UBR4: variants seen among roughly 807,000 people sequenced by gnomAD.
The protein encoded by UBR4 is ubiquitin protein ligase E3 component n-recognin 4.
UBR4 carries 124 observed loss-of-function variants against 575.6 expected under a neutral mutation model. The ratio of observed to expected loss-of-function variants is 0.22; its 90% CI spans 0.19 to 0.25. The LOEUF is 0.25. Ranked by LOEUF, UBR4 falls within the 10% of genes least tolerant of loss-of-function variation. UBR4 has a pLI of 1.00. For synonymous variants in UBR4, 2,455 were observed against 2,473.7 expected (o/e 0.99, Z 0.22); for missense variants, 4,818 against 6,478.8 (o/e 0.74, Z 8.80).
chr1:19,099,791 T>C (rs1352716346), intron 89 of UBR4, 114 bp from the exon 90 acceptor site: 2 of 830,020 alleles, frequency 2.4e-6, no homozygotes, highest in Non-Finnish European at 3.7e-6. Context: ...TTATATGTCA[T>C]GGACCTATCA....
intron 62 of UBR4, 43 bp from the exon 63 acceptor site, chr1:19,127,782 T>C (rs759796341): frequency 8.3e-5 from 124 of 1,491,290 alleles, no homozygotes; most frequent in Admixed American, 2.3e-4. Flanking sequence ...ACTTACTCGA[T>C]GCTTGAGGCA....
At chr1:19,137,032 C>T (rs1466588534) in intron 60 of UBR4, among the ~76,000 whole-genome samples, 3 of 152,068 alleles carry the variant, frequency 2.0e-5, no homozygotes, top group African/African-American at 7.2e-5. Context: ...GGTACAGTGG[C>T]TCACACCTGT....
rs887727586 is a variant in UBR4 at position 19,092,854 on chromosome 1, G to A, written c.14176C>T (p.Leu4726Phe). 1 of 1,613,216 alleles carries A rather than the reference G, an allele frequency of 6.2e-7. No individual in the cohort carries two copies. Among genetic ancestry groups the A allele is most frequent in the South Asian group, 1.1e-5 (1 of 90,668 alleles). Residue 4726 changes from leucine (L) to phenylalanine (F), a missense_variant, in exon 97 of 106, where the codon CTT becomes TTT. This residue lies in a region of UBR4 where 196 missense variants were observed against 386.8 expected (regional missense o/e 0.51). Transcript: ENST00000375254. ...RPALPFILRL[L>F]RGLAIQHPGT... The stretch of plus-strand genomic sequence containing the variant: ...GGGTGCTGGATGGCCAGGCCCCGAA[G>A]CAGCCTTAGGATAAATGGCAAGGCT...
At chr1:19,158,018 G>A in intron 39 of UBR4, 21 bp from the exon 40 acceptor site, 14 of 1,601,348 alleles carry the variant, frequency 8.7e-6, no homozygotes, top group Non-Finnish European at 1.2e-5. Context: ...AGGAAGCAGA[G>A]AAAGTGGGCA....
In UBR4 at chr1:19,139,280, A is replaced by AC. The variant is rs961480013; in HGVS notation, c.8594-61_8594-60insG. ...AACAAACAAACAAACAAACAAACAA[A>AC]AAACAAAAAAAACCCCTCCTTGGGA... On this transcript the variant is annotated intron_variant, in intron 58 of 105. Transcript: ENST00000375254. The surrounding 1 kb of genome is among the most constrained non-coding windows in gnomAD (Gnocchi z 4.2). The AC allele has an allele frequency of 1.3e-5, 20 of 1,529,230 alleles. No homozygotes were observed. In the African/African-American group the frequency reaches 2.5e-4, roughly 19 times the overall value. 94.7% of individuals were successfully genotyped at this position (1,529,230 alleles called of 1,614,324 possible). A position where few individuals can be genotyped will look rare whatever the true frequency, so the allele number is the denominator to read the frequency against.
At position 19,210,256 on chromosome 1, in the gene UBR4, C is replaced by G; in HGVS notation, c.-8G>C. ...GCCGCCGCTCGTCGCCATCTTCCGT[C>G]GTACTACTGCGGCTCCCTCCGGGGG... On this transcript the variant is annotated 5_prime_UTR_variant, in exon 1 of 106. Transcript: ENST00000375254. 6.9e-7 allele frequency: 1 copy of G among 1,444,074 alleles called. No homozygotes were observed. Among genetic ancestry groups the G allele is most frequent in the Non-Finnish European group, 9.1e-7 (1 of 1,104,598 alleles). The allele number at this position is 1,444,074 out of a possible 1,614,324, so 89.5% of individuals were successfully genotyped here.
At chr1:19,102,894 A>G (rs2078789117) in intron 87 of UBR4, among the ~76,000 whole-genome samples, 1 of 152,186 alleles carries the variant, frequency 6.6e-6, no homozygotes, top group Non-Finnish European at 1.5e-5. Context: ...TTTACCATCA[A>G]GTGGCAGGGA....
intron 60 of UBR4, among the ~76,000 whole-genome samples, chr1:19,136,700 A>T (rs2083235201): frequency 6.6e-6 from 1 of 152,220 alleles, no homozygotes; most frequent in Non-Finnish European, 1.5e-5. Context: ...TAGAAGACAA[A>T]AGCAGGCTGG....
Position 19,152,563 on chromosome 1 carries a change from C to T in UBR4, c.6833-87G>A, listed in dbSNP as rs1038614603. ...AAAGACTCCTCCCAGACAGAGCCCACACTCACACTCTAATCTAAGCAAACT... is the reference window on the plus strand; with the variant it reads ...AAAGACTCCTCCCAGACAGAGCCCATACTCACACTCTAATCTAAGCAAACT... On this transcript the variant is annotated intron_variant, in intron 46 of 105. Coordinates refer to ENST00000375254, the MANE Select transcript of UBR4 (RefSeq NM_020765.3). The surrounding 1 kb of genome is among the most constrained non-coding windows in gnomAD (Gnocchi z 4.4). 94 of 1,538,034 alleles carry T rather than the reference C, an allele frequency of 6.1e-5. No homozygotes were observed. The highest frequency in any genetic ancestry group is 3.9e-4 in the Admixed American group (22 of 57,012).
chr1:19,145,882 C>T lies in UBR4; in HGVS notation c.7856G>A (p.Cys2619Tyr), dbSNP rs1302963340. 1 of 1,614,220 alleles carries T rather than the reference C, an allele frequency of 6.2e-7. No homozygotes were observed. Among genetic ancestry groups the T allele is most frequent in the Non-Finnish European group, 8.5e-7 (1 of 1,180,026 alleles). ...GTTCACAAGCTGGGTGATGAAACTACAGCAATCTCCTTCCAACTGCTTCTG... is the reference window on the plus strand; with the variant it reads ...GTTCACAAGCTGGGTGATGAAACTATAGCAATCTCCTTCCAACTGCTTCTG... ...EPQKQLEGDC[C>Y]SFITQLVNHF... Residue 2619 changes from cysteine to tyrosine, a missense_variant, in exon 53 of 106, where the codon TGT becomes TAT. By Grantham distance (194) the Cys-to-Tyr change is radical (BLOSUM62 -2). Around this residue, in one of 29 missense-constraint regions of UBR4, gnomAD observed 340 missense variants for 375.4 expected, o/e 0.91. Coordinates refer to ENST00000375254, the MANE Select transcript of UBR4 (RefSeq NM_020765.3).
rs577275540 is a variant in UBR4, at chr1:19,094,200, C to T, written c.13747-61G>A. On this transcript the variant is annotated intron_variant, in intron 94 of 105. Coordinates refer to ENST00000375254, the MANE Select transcript of UBR4 (RefSeq NM_020765.3). Reference sequence around the variant, plus strand: ...CAGTCAGGACTGTGGCTGCAGCCAACATCTGAGCCCCAAAAGTCACCACTT... The same window carrying T: ...CAGTCAGGACTGTGGCTGCAGCCAATATCTGAGCCCCAAAAGTCACCACTT... The T allele has an allele frequency of 1.3e-5, 18 of 1,383,332 alleles. No homozygotes were observed. In the East Asian group the frequency reaches 1.5e-4, roughly 11 times the overall value. 85.7% of individuals were successfully genotyped at this position (1,383,332 alleles called of 1,614,324 possible).
At chr1:19,199,478 C>T (rs2151648736) in intron 3 of UBR4, among the ~76,000 whole-genome samples, 173 bp downstream of exon 3, 1 of 152,320 alleles carries the variant, frequency 6.6e-6, no homozygotes, top group East Asian at 1.9e-4. Flanking sequence ...TAATCTATGG[C>T]TGCTTTCACA....
In UBR4 at chr1:19,088,797, C is replaced by T. The variant is rs1369272182; in HGVS notation, c.14392G>A (p.Ala4798Thr). The T allele has an allele frequency of 5.0e-6, 8 of 1,614,002 alleles. No individual in the cohort carries two copies. Among genetic ancestry groups the T allele is most frequent in the Non-Finnish European group, 6.8e-6 (8 of 1,180,026 alleles). Residue 4798 changes from alanine to threonine, a missense_variant, in exon 98 of 106, where the codon GCA becomes ACA. Around this residue, in one of 29 missense-constraint regions of UBR4, gnomAD observed 196 missense variants for 386.8 expected, o/e 0.51. Transcript: ENST00000375254. This position sits in a 1 kb window ranked among gnomAD's most constrained non-coding sequence, Gnocchi z 4.0. ...TRAEKKRMAM[A>T]MRQKALGTLG... ...GTGCCCAGGGCCTTCTGCCTCATTG[C>T]CATGGCCATGCGCTTCTTCTCTGCC...
At chr1:19,159,974 G>A in intron 39 of UBR4, 137 bp downstream of exon 39, 1 of 1,107,090 alleles carries the variant, frequency 9.0e-7, no homozygotes, top group Non-Finnish European at 1.3e-6. Flanking sequence ...ATGTCATGAT[G>A]TCTTAGATTC....
chr1:19,166,934 T>C, intron 29 of UBR4, 88 bp downstream of exon 29: 1 of 1,407,686 alleles, frequency 7.1e-7, no homozygotes, highest in Non-Finnish European at 1.0e-6. Flanking sequence ...CAATAAGCTA[T>C]TAATGACCTA....
intron 105 of UBR4, 55 bp downstream of exon 105, chr1:19,076,685 A>G: frequency 6.2e-7 from 1 of 1,611,086 alleles, no homozygotes; most frequent in Non-Finnish European, 8.5e-7. Context: ...CCCACGGAGG[A>G]AGACATGGGG....
At position 19,148,025 on chromosome 1, in the gene UBR4, G is replaced by A. The variant is rs1185863332; in HGVS notation, c.7597C>T (p.His2533Tyr). 1 of 1,612,852 alleles carries A rather than the reference G, an allele frequency of 6.2e-7. No homozygotes were observed. Among genetic ancestry groups the A allele is most frequent in the Admixed American group, 1.7e-5 (1 of 60,024 alleles). The part of the protein sequence containing the change: ...QQSKSLLASL[H>Y]TSRSAYHSHK... The stretch of plus-strand genomic sequence containing the variant: ...CTGTGGTAGGCCGAGCGGCTGGTGT[G>A]CAGGCTGGCCAGAAGGCTCTTGGAC... The change falls in exon 51 of 106, where the codon CAC (histidine) becomes TAC (tyrosine). Residue 2533 changes from histidine (H) to tyrosine (Y), a missense_variant. Transcript: ENST00000375254.
chr1:19,185,147 G>A lies in UBR4; in HGVS notation c.1890C>T (p.Ala630=). The A allele has an allele frequency of 6.2e-7, 1 of 1,614,090 alleles. No homozygotes were observed. The highest frequency in any genetic ancestry group is 8.5e-7 in the Non-Finnish European group (1 of 1,180,016). ...SPRVKSPSKQ[A]PGEKGNILAS... ...CCAGAATGTTGCCCTTCTCACCAGG[G>A]GCCTGCTTACTGGGGCTTTTAACCC... The change falls in exon 15 of 106, where the codon GCC becomes GCT. Residue 630 remains alanine (A), a synonymous_variant. Coordinates refer to ENST00000375254, the MANE Select transcript of UBR4 (RefSeq NM_020765.3).
At chr1:19,151,008 C>T in intron 48 of UBR4, 2 of 592,294 alleles carry the variant, frequency 3.4e-6, no homozygotes, top group South Asian at 4.1e-5. Context: ...GATTACGTCT[C>T]CTACTCAGAA....
Sources: gnomAD v4.1 joint callset for allele counts (sites outside exome capture counted in the v4.1 genomes callset) on GRCh38, gnomAD v4.1.1 for gene constraint, gnomAD v4.1.1 regional missense constraint, Gnocchi (gnomAD v3.1) non-coding constraint, MANE v1.5 for transcripts, NCBI Gene and HGNC (gene_info 2026-07-23, HGNC 2026-07-21) for gene names.